The following NCALD variants were observed in gnomAD, a reference collection of about 807,000 sequenced individuals.
The protein encoded by NCALD is neurocalcin-delta.
A neutral mutation model predicts 18.6 loss-of-function variants in NCALD; 10 were observed. The observed-to-expected ratio is 0.54, with a 90% CI of 0.33 to 0.91. The LOEUF is 0.91. Ranked by LOEUF, NCALD falls within the 40% of genes least tolerant of loss-of-function variation. The pLI, the probability that NCALD is intolerant of heterozygous loss-of-function variation, is 0.03. For missense variants in NCALD, 184 were observed against 247.6 expected (o/e 0.74, Z 1.72); for synonymous variants, 88 against 87.4 (o/e 1.01, Z -0.04).
Position 101,689,352 on chromosome 8 carries a change from A to C in NCALD, c.539T>G (p.Val180Gly), listed in dbSNP as rs1468743441. The change falls in exon 4 of 4, where the codon GTG becomes GGG. Residue 180 changes from valine (V) to glycine (G), a missense_variant. By Grantham distance (109) the Val-to-Gly change is moderately radical (BLOSUM62 -3). Transcript: ENST00000220931. The surrounding 1 kb of genome is among the most constrained non-coding windows in gnomAD (Gnocchi z 4.4). Reference sequence around the variant, plus strand: ...GCTCGGGTCGCACTGCAGGAGGCGCACAATGGACGGGTCGCTTTTGGCTCC... The same window carrying C: ...GCTCGGGTCGCACTGCAGGAGGCGCCCAATGGACGGGTCGCTTTTGGCTCC... ...IRGAKSDPSI[V>G]RLLQCDPSSA... 1 of 1,613,608 alleles carries C rather than the reference A, an allele frequency of 6.2e-7. No homozygotes were observed. The highest frequency in any genetic ancestry group is 8.5e-7 in the Non-Finnish European group (1 of 1,179,818).
intron 2 of NCALD, among the ~76,000 whole-genome samples, chr8:101,937,888 G>A (rs1471842943): frequency 6.6e-6 from 1 of 152,180 alleles, no homozygotes; most frequent in Non-Finnish European, 1.5e-5. Context: ...CAAACAGAAT[G>A]TTGTCCTGGA....
chr8:101,701,805 G>A (rs190913585), intron 2 of NCALD, among the ~76,000 whole-genome samples: 9 of 152,298 alleles, frequency 5.9e-5, no homozygotes, highest in Non-Finnish European at 8.8e-5. Context: ...CAGAAGTTTG[G>A]CAGCACCTGG....
intron 3 of NCALD, among the ~76,000 whole-genome samples, chr8:101,891,691 C>A (rs2131511093): frequency 6.6e-6 from 1 of 152,316 alleles, no homozygotes; most frequent in East Asian, 1.9e-4. Flanking sequence ...CGAGGCATTG[C>A]CTCACTTGGG....
chr8:102,028,888 G>A (rs1822563229), intron 1 of NCALD: 2 of 152,166 alleles, frequency 1.3e-5, no homozygotes, highest in African/African-American at 2.4e-5. Flanking sequence ...TAAACTGGGA[G>A]TGTCCCAGGA....
At chr8:102,061,541 G>A (rs551415116) in intron 1 of NCALD, among the ~76,000 whole-genome samples, 26 of 152,080 alleles carry the variant, frequency 1.7e-4, no homozygotes, top group African/African-American at 5.3e-4. Context: ...TAAGGCCTCC[G>A]AGAACTGAAT....
chr8:102,118,493 G>T (rs181390228), intron 1 of NCALD, among the ~76,000 whole-genome samples: 4 of 152,222 alleles, frequency 2.6e-5, no homozygotes, highest in Non-Finnish European at 5.9e-5. Context: ...GGATTTAGCA[G>T]AATTAATCAA....
At chr8:101,760,389 A>G (rs1364441759) in intron 1 of NCALD, among the ~76,000 whole-genome samples, 2 of 152,174 alleles carry the variant, frequency 1.3e-5, no homozygotes, top group Non-Finnish European at 2.9e-5. Flanking sequence ...GAAGAAAAGG[A>G]TTGCCACAGG....
intron 4 of NCALD, among the ~76,000 whole-genome samples, chr8:101,856,789 GC>G (rs1167036868): frequency 6.6e-6 from 1 of 152,028 alleles, no homozygotes; most frequent in Non-Finnish European, 1.5e-5. Context: ...ACACATCATA[GC>G]CATTCACAGT....
At chr8:101,739,259 A>C (rs546826197) in intron 1 of NCALD, among the ~76,000 whole-genome samples, 1 of 151,762 alleles carries the variant, frequency 6.6e-6, no homozygotes, top group Admixed American at 6.6e-5. Context: ...TCCCCTTCTC[A>C]GTAGTGTCCT....
chr8:101,991,773 T>C (rs1351551873), intron 2 of NCALD, among the ~76,000 whole-genome samples: 1 of 152,178 alleles, frequency 6.6e-6, no homozygotes, highest in African/African-American at 2.4e-5. Context: ...CTGTTGGTGC[T>C]TTTCCTAGAT....
chr8:101,762,079 C>T (rs1258435839), intron 1 of NCALD, among the ~76,000 whole-genome samples: 1 of 152,084 alleles, frequency 6.6e-6, no homozygotes, highest in Non-Finnish European at 1.5e-5. Flanking sequence ...GAGAAAGAAC[C>T]CTTCTATCTT....
intron 1 of NCALD, among the ~76,000 whole-genome samples, chr8:102,045,904 G>C (rs1483089226): frequency 2.0e-5 from 3 of 152,102 alleles, no homozygotes; most frequent in African/African-American, 7.2e-5. Context: ...AAATCTCAAA[G>C]ACAAAGTTCA....
At chr8:102,012,856 T>C (rs1821953035) in intron 2 of NCALD, among the ~76,000 whole-genome samples, 2 of 152,174 alleles carry the variant, frequency 1.3e-5, no homozygotes, top group Admixed American at 6.5e-5. Flanking sequence ...TCAGCTCCCA[T>C]AGCAGATCAC....
intron 1 of NCALD, among the ~76,000 whole-genome samples, chr8:102,040,964 TGGTTA>T (rs10547686): frequency 0.31 from 47,391 of 151,564 alleles, 7,879 homozygotes; most frequent in African/African-American, 0.41. Context: ...GTTTAAGGGG[TGGTTA>T]GGTTACAGGT....
chr8:101,714,724 C>T (rs901851597), intron 2 of NCALD, among the ~76,000 whole-genome samples: 9 of 151,634 alleles, frequency 5.9e-5, no homozygotes, highest in Admixed American at 3.9e-4. Flanking sequence ...GGGCCGGGCA[C>T]GGTGGCTCAC....
At chr8:101,691,587 T>C (rs1041016151) in intron 3 of NCALD, 39 of 985,254 alleles carry the variant, frequency 4.0e-5, no homozygotes, top group Middle Eastern at 5.2e-4. Flanking sequence ...CATCAGCAAG[T>C]TAATTAACTA....
chr8:101,734,353 C>CA (rs1398137570), intron 1 of NCALD, among the ~76,000 whole-genome samples: 4 of 152,190 alleles, frequency 2.6e-5, no homozygotes, highest in African/African-American at 9.7e-5. Context: ...GCTCCAATCA[C>CA]ATCTTGTGCT....
intron 2 of NCALD, among the ~76,000 whole-genome samples, chr8:101,713,631 C>A (rs1815921005): frequency 6.6e-6 from 1 of 151,996 alleles, no homozygotes; most frequent in Non-Finnish European, 1.5e-5. Context: ...TACAAACTAC[C>A]ATCAGAGAAT....
At chr8:101,976,410 A>G (rs1820424854) in intron 2 of NCALD, among the ~76,000 whole-genome samples, 1 of 152,160 alleles carries the variant, frequency 6.6e-6, no homozygotes, top group Non-Finnish European at 1.5e-5. Flanking sequence ...GCTAACTTCA[A>G]TTTAGCAAAA....
Sources: allele counts gnomAD v4.1 joint callset (sites outside exome capture counted in the v4.1 genomes callset), GRCh38; gene constraint gnomAD v4.1.1; non-coding constraint Gnocchi (gnomAD v3.1); transcripts MANE v1.5; gene names NCBI Gene and HGNC (gene_info 2026-07-23, HGNC 2026-07-21).